Variants in RUNX2 observed in about 807,000 individuals in gnomAD.
RUNX2 encodes the protein runt-related transcription factor 2.
Under a neutral mutation model 51.7 loss-of-function variants are expected in RUNX2, and 10 were observed. The ratio of observed to expected loss-of-function variants is 0.19; its 90% CI spans 0.12 to 0.33. The LOEUF (loss-of-function observed/expected upper bound fraction) is 0.33. Ranked by LOEUF, RUNX2 falls within the 10% of genes least tolerant of loss-of-function variation. The pLI is 1.00. For synonymous variants in RUNX2, 276 were observed against 273.6 expected, an observed-to-expected ratio of 1.01 and a Z score of -0.09; for missense variants, 562 against 691.3, an observed-to-expected ratio of 0.81 and a Z score of 2.10.
At chr6:45,401,572 G>T (rs1797713102) in intron 2 of RUNX2, among the ~76,000 whole-genome samples, 1 of 152,174 alleles carries the variant, frequency 6.6e-6, no homozygotes, top group African/African-American at 2.4e-5. Context: ...TTTAAACAAT[G>T]CGTACCTCAC....
At chr6:45,500,269 T>C (rs549810595) in intron 6 of RUNX2, among the ~76,000 whole-genome samples, 10 of 152,156 alleles carry the variant, frequency 6.6e-5, no homozygotes, top group Non-Finnish European at 1.3e-4. Context: ...GCAACAATAA[T>C]ATATTATAGA....
intron 7 of RUNX2, among the ~76,000 whole-genome samples, chr6:45,525,863 G>T (rs1171103944): frequency 6.6e-6 from 1 of 151,850 alleles, no homozygotes; most frequent in East Asian, 1.9e-4. Context: ...GGGGTGGTGC[G>T]TGCCTGTAGT....
chr6:45,352,658 CTG>C (rs1792299240), intron 2 of RUNX2, among the ~76,000 whole-genome samples: 1 of 152,078 alleles, frequency 6.6e-6, no homozygotes, highest in South Asian at 2.1e-4. Context: ...TATGGAGCAA[CTG>C]TACCTAGTAT....
At position 45,550,851 on chromosome 6, in the gene RUNX2, T is replaced by A. The variant is rs1802544280; in HGVS notation, c.*3546T>A. The A allele has an allele frequency of 6.5e-6, 1 of 152,686 alleles. No homozygotes were observed. Among genetic ancestry groups the A allele is most frequent in the African/African-American group, 2.4e-5 (1 of 41,466 alleles). 9.5% of individuals were successfully genotyped at this position (152,686 alleles called of 1,614,324 possible). A position where few individuals can be genotyped will look rare whatever the true frequency, so the allele number is the denominator to read the frequency against. On this transcript the variant is annotated 3_prime_UTR_variant, in exon 9 of 9. Coordinates refer to ENST00000647337, the MANE Select transcript of RUNX2 (RefSeq NM_001024630.4). ...TTGTGTAAATACAAGCTTTCATTTT[T>A]ATTTTTTCCAATTGCTATTGCCCAA...
intron 2 of RUNX2, among the ~76,000 whole-genome samples, chr6:45,400,820 C>T (rs2207783): frequency 0.014 from 2,142 of 152,212 alleles, 59 homozygotes; most frequent in African/African-American, 0.049. Context: ...AAACAAACAA[C>T]GTAAATTGAA....
At chr6:45,387,644 G>A (rs556528734) in intron 2 of RUNX2, among the ~76,000 whole-genome samples, 1 of 152,126 alleles carries the variant, frequency 6.6e-6, no homozygotes, top group African/African-American at 2.4e-5. Context: ...GCTTCTATCC[G>A]CACCATTCTG....
At chr6:45,483,774 C>T (rs768924709) in intron 5 of RUNX2, among the ~76,000 whole-genome samples, 4 of 152,098 alleles carry the variant, frequency 2.6e-5, no homozygotes, top group East Asian at 1.9e-4. Flanking sequence ...TTTTGCCAAA[C>T]GGAGTTGATG....
chr6:45,518,267 T>C (rs1172969860), intron 7 of RUNX2, among the ~76,000 whole-genome samples: 1 of 149,914 alleles, frequency 6.7e-6, no homozygotes, highest in Non-Finnish European at 1.5e-5. Context: ...TTAAATTTTA[T>C]GGACCCTAAA....
At chr6:45,339,700 CA>C (rs2150126430) in intron 2 of RUNX2, among the ~76,000 whole-genome samples, 1 of 152,138 alleles carries the variant, frequency 6.6e-6, no homozygotes, top group South Asian at 2.1e-4. Flanking sequence ...ATTCTAAGTA[CA>C]TAATCAATCT....
At chr6:45,425,219 C>G (rs1273132513) in intron 3 of RUNX2, among the ~76,000 whole-genome samples, 1 of 152,198 alleles carries the variant, frequency 6.6e-6, no homozygotes, top group Admixed American at 6.5e-5. Flanking sequence ...TATTTAAGGT[C>G]TATCTTGAAC....
At chr6:45,498,064 A>G (rs960134704) in intron 6 of RUNX2, among the ~76,000 whole-genome samples, 2 of 152,132 alleles carry the variant, frequency 1.3e-5, no homozygotes, top group Non-Finnish European at 2.9e-5. Context: ...AACTCACCCA[A>G]GGTCCCACTT....
At position 45,333,483 on chromosome 6, in the gene RUNX2, T is replaced by C. The variant is rs1016648799; in HGVS notation, c.58+4699T>C. Among the ~76,000 whole-genome samples the C allele has an allele frequency of 3.3e-5, 5 of 151,562 alleles. No homozygotes were observed. In the South Asian group the frequency reaches 1.0e-3, roughly 31 times the overall value. On this transcript the variant is annotated intron_variant, in intron 2 of 8. Coordinates refer to ENST00000647337, the MANE Select transcript of RUNX2 (RefSeq NM_001024630.4). ...CCCTTTATACTATTTATTAAGGGCATAGGACTCAAGATTTGGAACAGTGTT... is the reference window on the plus strand; with the variant it reads ...CCCTTTATACTATTTATTAAGGGCACAGGACTCAAGATTTGGAACAGTGTT...
At chr6:45,518,961 A>G (rs1010258244) in intron 7 of RUNX2, among the ~76,000 whole-genome samples, 3 of 152,188 alleles carry the variant, frequency 2.0e-5, no homozygotes, top group Non-Finnish European at 2.9e-5. Flanking sequence ...TTGTCACTAA[A>G]GAGTCTTTGT....
At chr6:45,355,967 A>G (rs1304224704) in intron 2 of RUNX2, among the ~76,000 whole-genome samples, 1 of 152,214 alleles carries the variant, frequency 6.6e-6, no homozygotes, top group East Asian at 1.9e-4. Context: ...GAATAGAGAG[A>G]AAGCCATGAA....
In RUNX2 at chr6:45,432,087, T is replaced by G. The variant is rs750736445; in HGVS notation, c.580+68T>G. The stretch of plus-strand genomic sequence containing the variant: ...TAGGCTCCTTTGATGAAATGTAGAC[T>G]AGTCTGTATACAAATCAGCACCTTC... On this transcript the variant is annotated intron_variant, in intron 4 of 8. Transcript: ENST00000647337. 9.2e-6 allele frequency: 13 copies of G among 1,412,398 alleles called. No homozygotes were observed. The African/African-American group carries it at 1.4e-4, about 15-fold the overall frequency. The allele number at this position is 1,412,398 out of a possible 1,614,324, so 87.5% of individuals were successfully genotyped here.
intron 3 of RUNX2, among the ~76,000 whole-genome samples, chr6:45,423,857 C>A (rs1168002980): frequency 6.6e-6 from 1 of 152,090 alleles, no homozygotes; most frequent in Admixed American, 6.5e-5. Context: ...GGGGACGGGG[C>A]GGGAGCTCGG....
intron 7 of RUNX2, among the ~76,000 whole-genome samples, chr6:45,530,261 T>C (rs1801800979): frequency 6.6e-6 from 1 of 152,238 alleles, no homozygotes; most frequent in South Asian, 2.1e-4. Flanking sequence ...CTGCAAATTA[T>C]AGAATGTCTA....
chr6:45,394,696 TG>T (rs1797545427), intron 2 of RUNX2, among the ~76,000 whole-genome samples: 1 of 152,174 alleles, frequency 6.6e-6, no homozygotes, highest in Non-Finnish European at 1.5e-5. Flanking sequence ...CAGTAGGGGC[TG>T]GGGTTATGTA....
intron 2 of RUNX2, 100 bp from the exon 3 acceptor site, chr6:45,422,493 T>G: frequency 1.3e-5 from 4 of 311,296 alleles, no homozygotes; most frequent in Non-Finnish European, 2.0e-5. Flanking sequence ...CCGTCTCGCC[T>G]TCACCCCCCC....
Sources: gnomAD v4.1 joint callset for allele counts (sites outside exome capture counted in the v4.1 genomes callset) on GRCh38, gnomAD v4.1.1 for gene constraint, MANE v1.5 for transcripts, NCBI Gene and HGNC (gene_info 2026-07-23, HGNC 2026-07-21) for gene names.